SRC: variants seen among roughly 807,000 people sequenced by gnomAD.
SRC encodes proto-oncogene tyrosine-protein kinase Src.
SRC carries 13 observed loss-of-function variants against 62.9 expected under a neutral mutation model. The observed-to-expected ratio is 0.21, with a 90% CI of 0.13 to 0.33. The LOEUF (loss-of-function observed/expected upper bound fraction) is 0.33. SRC is among the 10% of genes least tolerant of loss of function. The pLI, the probability that SRC is intolerant of heterozygous loss-of-function variation, is 1.00. For synonymous variants in SRC, 302 were observed against 317.5 expected (o/e 0.95, Z 0.52); for missense variants, 457 against 737.3 (o/e 0.62, Z 4.40).
chr20:37,367,875 C>A (rs968864821), intron 2 of SRC, among the ~76,000 whole-genome samples: 7 of 152,096 alleles, frequency 4.6e-5, no homozygotes, highest in African/African-American at 1.2e-4. Context: ...AAGCTCCTGG[C>A]CTCAAGAGAT....
chr20:37,384,277 G>A lies in SRC; in HGVS notation c.124G>A (p.Ala42Thr). The A allele has an allele frequency of 1.3e-6, 2 of 1,529,288 alleles. No homozygotes were observed. The highest frequency in any genetic ancestry group is 1.2e-5 in the South Asian group (1 of 83,372). 94.7% of individuals were successfully genotyped at this position (1,529,288 alleles called of 1,614,324 possible). A position where few individuals can be genotyped will look rare whatever the true frequency, so the allele number is the denominator to read the frequency against. Residue 42 changes from alanine to threonine, a missense_variant, in exon 4 of 14, where the codon GCC becomes ACC. Ala to Thr is a moderately conservative substitution (Grantham distance 58, BLOSUM62 0). Transcript: ENST00000373578. This position sits in a 1 kb window ranked among gnomAD's most constrained non-coding sequence, Gnocchi z 6.7. ...CGCCTCGCAGACCCCCAGCAAGCCAGCCTCGGCCGACGGCCACCGCGGCCC... is the reference window on the plus strand; with the variant it reads ...CGCCTCGCAGACCCCCAGCAAGCCAACCTCGGCCGACGGCCACCGCGGCCC... ...FPASQTPSKPASADGHRGPSA... is the reference protein window; with the variant it reads ...FPASQTPSKPTSADGHRGPSA...
Position 37,403,497 on chromosome 20 carries a change from C to T in SRC, c.*118C>T. ...GTCCTCTCTCTGTGGGGCTGAATTG[C>T]CAGGGGCGAGGCCCTTCCTCTTTGG... is the stretch of plus-strand genomic sequence containing the variant. On this transcript the variant is annotated 3_prime_UTR_variant, in exon 14 of 14. Transcript: ENST00000373578. The surrounding 1 kb of genome is among the most constrained non-coding windows in gnomAD (Gnocchi z 7.1). 1 of 1,203,874 alleles carries T rather than the reference C, an allele frequency of 8.3e-7. No individual in the cohort carries two copies. The highest frequency in any genetic ancestry group is 1.1e-6 in the Non-Finnish European group (1 of 876,612). 74.6% of individuals were successfully genotyped at this position (1,203,874 alleles called of 1,614,324 possible).
In SRC at chr20:37,385,989, C is replaced by T. The variant is rs563936117; in HGVS notation, c.251-86C>T. On this transcript the variant is annotated intron_variant, in intron 4 of 13. Coordinates refer to ENST00000373578, the MANE Select transcript of SRC (RefSeq NM_198291.3). ...AGCACTTGCGTGTGGGAGACAAATCCACTCCTCCTGGGTACAGGGCCATCC... is the reference window on the plus strand; with the variant it reads ...AGCACTTGCGTGTGGGAGACAAATCTACTCCTCCTGGGTACAGGGCCATCC... 1,346 of 1,064,060 alleles carry T rather than the reference C, an allele frequency of 1.3e-3. 4 individuals are homozygous for T. Among genetic ancestry groups the T allele is most frequent in the Non-Finnish European group, 1.7e-3 (1,165 of 696,056 alleles). The allele number at this position is 1,064,060 out of a possible 1,614,324, so 65.9% of individuals were successfully genotyped here. A position where few individuals can be genotyped will look rare whatever the true frequency, so the allele number is the denominator to read the frequency against.
intron 1 of SRC, among the ~76,000 whole-genome samples, chr20:37,361,898 G>GGTAGAGAT (rs1375069252): frequency 2.1e-5 from 3 of 141,774 alleles, no homozygotes; most frequent in Non-Finnish European, 3.1e-5. Flanking sequence ...TCTGTGTGCA[G>GGTAGAGAT]GTAGAGATGC....
chr20:37,373,133 T>C (rs539573353), intron 2 of SRC, among the ~76,000 whole-genome samples: 19 of 142,708 alleles, frequency 1.3e-4, no homozygotes, highest in African/African-American at 3.5e-4. Context: ...TGTACATATA[T>C]ACACATATGT....
chr20:37,347,126 T>G (rs1246302144), intron 1 of SRC, among the ~76,000 whole-genome samples: 1 of 152,240 alleles, frequency 6.6e-6, no homozygotes, highest in East Asian at 1.9e-4. Flanking sequence ...AGCCCCTGCG[T>G]CCTTCAGGTG....
intron 1 of SRC, among the ~76,000 whole-genome samples, chr20:37,356,589 G>C (rs1389717393): frequency 6.6e-6 from 1 of 152,164 alleles, no homozygotes; most frequent in Non-Finnish European, 1.5e-5. Context: ...GAAGACGCCT[G>C]CCTGGCAGGA....
rs781731376 is a variant in SRC, at chr20:37,351,196, CCTT to C, written c.-247+4947_-247+4949del. Among the ~76,000 whole-genome samples, 1 of 152,174 alleles carries C rather than the reference CCTT, an allele frequency of 6.6e-6. No individual in the cohort carries two copies. Among genetic ancestry groups the C allele is most frequent in the Non-Finnish European group, 1.5e-5 (1 of 68,036 alleles). On this transcript the variant is annotated intron_variant, in intron 1 of 13. Transcript: ENST00000373578. This position sits in a 1 kb window ranked among gnomAD's most constrained non-coding sequence, Gnocchi z 4.4. Reference sequence around the variant, plus strand: ...TTCCCCCAACTTTGGTCCATTTGGTCCTTCTTCTCCCTTAGAACTACCCAGAGA... The same window carrying C: ...TTCCCCCAACTTTGGTCCATTTGGTCCTTCTCCCTTAGAACTACCCAGAGA...
At chr20:37,373,274 ACACAC>A (rs2070211480) in intron 2 of SRC, among the ~76,000 whole-genome samples, 1 of 150,754 alleles carries the variant, frequency 6.6e-6, no homozygotes. Flanking sequence ...ATACGCACAC[ACACAC>A]ACACATATTA....
Position 37,384,436 on chromosome 20 carries a change from A to C in SRC, c.250+33A>C, listed in dbSNP as rs1353562928. On this transcript the variant is annotated intron_variant, in intron 4 of 13. Coordinates refer to ENST00000373578, the MANE Select transcript of SRC (RefSeq NM_198291.3). The surrounding 1 kb of genome is among the most constrained non-coding windows in gnomAD (Gnocchi z 6.7). ...CGCGGGCGGCGCGGGGTCCTCGCCC[A>C]CCTGGGGCCACGGCGGGGAGGCGGC... 62 of 1,301,680 alleles carry C rather than the reference A, an allele frequency of 4.8e-5. No individual in the cohort carries two copies. Among genetic ancestry groups the C allele is most frequent in the Non-Finnish European group, 6.0e-5 (62 of 1,032,818 alleles). The allele number at this position is 1,301,680 out of a possible 1,614,324, so 80.6% of individuals were successfully genotyped here.
chr20:37,363,382 C>G (rs2070007899), intron 1 of SRC, among the ~76,000 whole-genome samples: 1 of 152,234 alleles, frequency 6.6e-6, no homozygotes, highest in African/African-American at 2.4e-5. Flanking sequence ...CCCTGCCCAC[C>G]TGGCACCCTG....
Position 37,398,568 on chromosome 20 carries a change from T to C in SRC, c.859+714T>C, listed in dbSNP as rs1443589388. ...CACGTTCCGCCCTCCAGAGGGCTGA[T>C]GGAGGAGAGCAGAGCGGCCTCCTGG... On this transcript the variant is annotated intron_variant, in intron 9 of 13. Coordinates refer to ENST00000373578, the MANE Select transcript of SRC (RefSeq NM_198291.3). This position sits in a 1 kb window ranked among gnomAD's most constrained non-coding sequence, Gnocchi z 5.2. Among the ~76,000 whole-genome samples, 1 of 152,046 alleles carries C rather than the reference T, an allele frequency of 6.6e-6. No homozygotes were observed. Among genetic ancestry groups the C allele is most frequent in the Non-Finnish European group, 1.5e-5 (1 of 68,000 alleles).
At position 37,400,141 on chromosome 20, in the gene SRC, G is replaced by T. The variant is rs750534584; in HGVS notation, c.886G>T (p.Ala296Ser). 6.2e-7 allele frequency: 1 copy of T among 1,611,722 alleles called. No individual in the cohort carries two copies. The highest frequency in any genetic ancestry group is 8.5e-7 in the Non-Finnish European group (1 of 1,179,028). ...MGTWNGTTRV[A>S]IKTLKPGTMS... ...GACCTGGAACGGTACCACCAGGGTG[G>T]CCATCAAAACCCTGAAGCCTGGCAC... The change falls in exon 10 of 14, where the codon GCC becomes TCC. Residue 296 changes from alanine to serine, a missense_variant. Around this residue, in one of 4 missense-constraint regions of SRC, gnomAD observed 168 missense variants for 357.8 expected, o/e 0.47. Transcript: ENST00000373578.
chr20:37,386,921 C>T (rs1054788464), intron 5 of SRC, among the ~76,000 whole-genome samples: 3 of 152,240 alleles, frequency 2.0e-5, no homozygotes, highest in Non-Finnish European at 4.4e-5. Flanking sequence ...GCTCCTGGAG[C>T]CCCTGCTGTG....
chr20:37,395,839 C>T (rs1486018143), intron 7 of SRC, among the ~76,000 whole-genome samples: 1 of 152,248 alleles, frequency 6.6e-6, no homozygotes. Context: ...CTGGGAGCAC[C>T]CGCATTGTGC....
At chr20:37,374,152 T>C (rs2070240949) in intron 2 of SRC, among the ~76,000 whole-genome samples, 1 of 151,730 alleles carries the variant, frequency 6.6e-6, no homozygotes, top group African/African-American at 2.4e-5. Context: ...TTATCTCGGC[T>C]CACTGCAACC....
chr20:37,365,802 T>C (rs2070054777), intron 2 of SRC, among the ~76,000 whole-genome samples: 3 of 152,134 alleles, frequency 2.0e-5, no homozygotes, highest in South Asian at 4.1e-4. Flanking sequence ...TAGGCTAGTC[T>C]CGAATGCCTG....
rs765198450 is a variant in SRC at position 37,382,756 on chromosome 20, G to A, written c.-35G>A. 6.6e-6 allele frequency: 1 copy of A among 152,172 alleles called. No homozygotes were observed. The highest frequency in any genetic ancestry group is 2.4e-5 in the African/African-American group (1 of 41,430). 9.4% of individuals were successfully genotyped at this position (152,172 alleles called of 1,614,324 possible). A position where few individuals can be genotyped will look rare whatever the true frequency, so the allele number is the denominator to read the frequency against. On this transcript the variant is annotated 5_prime_UTR_variant, in exon 3 of 14. Coordinates refer to ENST00000373578, the MANE Select transcript of SRC (RefSeq NM_198291.3). ...GCCAAGACCCCAGGCTGCCTCCCAG[G>A]TCCTCTGGGACAGCCCCTGCCTTCT...
intron 7 of SRC, among the ~76,000 whole-genome samples, chr20:37,395,035 C>T (rs905311638): frequency 6.6e-6 from 1 of 152,164 alleles, no homozygotes; most frequent in Non-Finnish European, 1.5e-5. Context: ...CGTGTGGCTA[C>T]TGGGCATGGG....
Sources: allele counts gnomAD v4.1 joint callset (sites outside exome capture counted in the v4.1 genomes callset), GRCh38; gene constraint gnomAD v4.1.1; regional missense constraint gnomAD v4.1.1; non-coding constraint Gnocchi (gnomAD v3.1); transcripts MANE v1.5; gene names NCBI Gene and HGNC (gene_info 2026-07-23, HGNC 2026-07-21).